Variants in MECOM observed in about 807,000 individuals in gnomAD.
The protein encoded by MECOM is histone-lysine N-methyltransferase MECOM.
MECOM carries 13 observed loss-of-function variants against 116.3 expected under a neutral mutation model. The observed-to-expected ratio is 0.11, with a 90% confidence interval of 0.07 to 0.18. MECOM has a LOEUF of 0.18. Ranked by LOEUF, MECOM falls within the 10% of genes least tolerant of loss-of-function variation. The pLI is 1.00. For synonymous variants in MECOM, 528 were observed against 535.2 expected (o/e 0.99, Z 0.19); for missense variants, 1,299 against 1,509.0 (o/e 0.86, Z 2.31).
intron 1 of MECOM, among the ~76,000 whole-genome samples, chr3:169,582,613 C>T (rs1303938537): frequency 6.6e-6 from 1 of 152,226 alleles, no homozygotes; most frequent in Non-Finnish European, 1.5e-5. Context: ...CAGCTCACAG[C>T]TCACACACTA....
chr3:169,336,770 A>T (rs1723642080), intron 2 of MECOM, among the ~76,000 whole-genome samples: 1 of 152,172 alleles, frequency 6.6e-6, no homozygotes, highest in Non-Finnish European at 1.5e-5. Flanking sequence ...GCTCTTGGAA[A>T]TAATCAAGCA....
intron 1 of MECOM, among the ~76,000 whole-genome samples, chr3:169,492,947 G>T (rs544574832): frequency 6.6e-6 from 1 of 152,186 alleles, no homozygotes; most frequent in African/African-American, 2.4e-5. Context: ...AAGACAGAGA[G>T]AGACTCCATT....
intron 2 of MECOM, among the ~76,000 whole-genome samples, chr3:169,301,405 T>C (rs1156589445): frequency 2.0e-5 from 3 of 152,200 alleles, no homozygotes; most frequent in Non-Finnish European, 2.9e-5. Flanking sequence ...TGTCTTTTAT[T>C]TTTTCTATCA....
chr3:169,313,502 G>A (rs1039200640), intron 2 of MECOM, among the ~76,000 whole-genome samples: 1 of 152,162 alleles, frequency 6.6e-6, no homozygotes, highest in Admixed American at 6.5e-5. Context: ...AGGTGAGAGA[G>A]AATGGGATCC....
chr3:169,355,086 G>A (rs1443865667), intron 2 of MECOM, among the ~76,000 whole-genome samples: 2 of 151,806 alleles, frequency 1.3e-5, no homozygotes, highest in African/African-American at 2.4e-5. Flanking sequence ...TCAATTTGTC[G>A]GGAAAAAAGG....
intron 1 of MECOM, among the ~76,000 whole-genome samples, chr3:169,508,374 T>C (rs1755555207): frequency 6.6e-6 from 1 of 151,736 alleles, no homozygotes; most frequent in East Asian, 1.9e-4. Flanking sequence ...AAAAGGAATT[T>C]GATAGGAAAT....
At chr3:169,107,516 T>C (rs1170403766) in intron 10 of MECOM, among the ~76,000 whole-genome samples, 1 of 152,138 alleles carries the variant, frequency 6.6e-6, no homozygotes, top group Non-Finnish European at 1.5e-5. Flanking sequence ...AGCCTGTATC[T>C]ACACAGGAGT....
chr3:169,341,216 C>T (rs1336749466), intron 2 of MECOM, among the ~76,000 whole-genome samples: 1 of 151,480 alleles, frequency 6.6e-6, no homozygotes, highest in East Asian at 1.9e-4. Context: ...AAAAATTATG[C>T]TAAAAAATGT....
At chr3:169,150,378 T>C (rs1449716259) in intron 2 of MECOM, among the ~76,000 whole-genome samples, 1 of 152,226 alleles carries the variant, frequency 6.6e-6, no homozygotes, top group Non-Finnish European at 1.5e-5. Context: ...CCTTTATTCC[T>C]TGGGATTTCT....
chr3:169,296,495 C>G (rs866590554), intron 2 of MECOM, among the ~76,000 whole-genome samples: 34 of 152,290 alleles, frequency 2.2e-4, no homozygotes, highest in Middle Eastern at 3.4e-3. Flanking sequence ...TACATCCACA[C>G]AAGTTCTTTG....
At chr3:169,121,287 A>C (rs181736957) in intron 6 of MECOM, 78 bp from the exon 7 acceptor site, 4 of 1,412,206 alleles carry the variant, frequency 2.8e-6, no homozygotes, top group Non-Finnish European at 3.8e-6. Flanking sequence ...TGACTCAAGA[A>C]GAAATTTTTC....
intron 1 of MECOM, among the ~76,000 whole-genome samples, chr3:169,573,117 G>A (rs1764114640): frequency 6.6e-6 from 1 of 152,144 alleles, no homozygotes; most frequent in African/African-American, 2.4e-5. Flanking sequence ...CTGGACACCA[G>A]CTCCTGCTCC....
At chr3:169,129,623 G>A (rs1734022328) in intron 4 of MECOM, among the ~76,000 whole-genome samples, 7 of 152,078 alleles carry the variant, frequency 4.6e-5, no homozygotes. Flanking sequence ...AGCTGGTTAG[G>A]AGAAACATTT....
At chr3:169,371,553 ATGAGG>A (rs1258681060) in intron 2 of MECOM, among the ~76,000 whole-genome samples, 1 of 151,654 alleles carries the variant, frequency 6.6e-6, no homozygotes, top group African/African-American at 2.4e-5. Context: ...ACATAACTAC[ATGAGG>A]TGATGGGTAT....
intron 1 of MECOM, among the ~76,000 whole-genome samples, chr3:169,467,927 G>C (rs1560311037): frequency 6.6e-6 from 1 of 152,140 alleles, no homozygotes; most frequent in Admixed American, 6.6e-5. Flanking sequence ...CTTTAAATGT[G>C]TTAAAAGGCT....
At chr3:169,612,617 G>A (rs1769426791) in intron 1 of MECOM, among the ~76,000 whole-genome samples, 1 of 151,886 alleles carries the variant, frequency 6.6e-6, no homozygotes, top group Non-Finnish European at 1.5e-5. Flanking sequence ...AAGCCTGGGG[G>A]CCCTTTTTTT....
chr3:169,372,486 T>G (rs762767763), intron 2 of MECOM, among the ~76,000 whole-genome samples: 2 of 152,068 alleles, frequency 1.3e-5, no homozygotes, highest in Non-Finnish European at 2.9e-5. Context: ...AACCCTCGTT[T>G]TCATTGTTAG....
At chr3:169,170,534 TAC>T (rs1286321459) in intron 2 of MECOM, among the ~76,000 whole-genome samples, 1 of 152,066 alleles carries the variant, frequency 6.6e-6, no homozygotes, top group African/African-American at 2.4e-5. Flanking sequence ...CAAATGTATA[TAC>T]ACTTTCGTGG....
At chr3:169,089,602 A>G (rs949535175) in intron 15 of MECOM, among the ~76,000 whole-genome samples, 6 of 152,176 alleles carry the variant, frequency 3.9e-5, no homozygotes, top group South Asian at 2.1e-4. Context: ...TATATAGATC[A>G]CATATATATC....
Sources: gnomAD v4.1 joint callset for allele counts (sites outside exome capture counted in the v4.1 genomes callset) on GRCh38, gnomAD v4.1.1 for gene constraint, MANE v1.5 for transcripts, NCBI Gene and HGNC (gene_info 2026-07-23, HGNC 2026-07-21) for gene names.